DPP6: variants seen among roughly 807,000 people sequenced by gnomAD.
DPP6 encodes the protein A-type potassium channel modulatory protein DPP6.
A neutral mutation model predicts 122.6 loss-of-function variants in DPP6; 69 were observed. That is an observed-to-expected ratio of 0.56 (90% CI 0.46 to 0.69). The LOEUF is 0.69. Ranked by LOEUF, DPP6 falls within the 30% of genes least tolerant of loss-of-function variation. The pLI is 0.00. For missense variants in DPP6, 928 were observed against 1,116.9 expected (o/e 0.83, Z 2.41); for synonymous variants, 418 against 433.1 (o/e 0.97, Z 0.43).
At chr7:154,689,585 T>G (rs976607850) in intron 7 of DPP6, among the ~76,000 whole-genome samples, 1 of 152,214 alleles carries the variant, frequency 6.6e-6, no homozygotes, top group Non-Finnish European at 1.5e-5. Context: ...TTTAGGATTT[T>G]TGCGTCTGTG....
intron 1 of DPP6, among the ~76,000 whole-genome samples, chr7:154,065,765 A>G (rs755604668): frequency 2.0e-5 from 3 of 152,168 alleles, no homozygotes; most frequent in Non-Finnish European, 2.9e-5. Flanking sequence ...AGTGGCATAG[A>G]GGCCCTGAGT....
intron 16 of DPP6, among the ~76,000 whole-genome samples, chr7:154,834,231 G>A (rs1273196900): frequency 6.6e-6 from 1 of 151,664 alleles, no homozygotes; most frequent in African/African-American, 2.4e-5. Flanking sequence ...ACTTTGGGAG[G>A]CCGAGGCAGG....
At chr7:154,841,182 G>A (rs1205613632) in intron 16 of DPP6, among the ~76,000 whole-genome samples, 3 of 152,174 alleles carry the variant, frequency 2.0e-5, no homozygotes, top group Non-Finnish European at 2.9e-5. Context: ...AGTATGCTGA[G>A]AAGGCCGGGA....
intron 1 of DPP6, among the ~76,000 whole-genome samples, chr7:154,097,883 C>T (rs1352423158): frequency 6.6e-6 from 1 of 152,196 alleles, no homozygotes; most frequent in Non-Finnish European, 1.5e-5. Context: ...GAACAAGTGA[C>T]TGAGGGAGTG....
In DPP6 at chr7:154,200,236, A is replaced by C. The variant is rs540781784; in HGVS notation, c.243+147173A>C. Among the ~76,000 whole-genome samples the C allele has an allele frequency of 2.6e-5, 4 of 152,162 alleles. No homozygotes were observed. In the South Asian group the frequency reaches 8.3e-4, roughly 32 times the overall value. ...TTATTGATGCATAATCAATGCATAT[A>C]GTTTTGGGGTACATGTGATAATTAA... On this transcript the variant is annotated intron_variant, in intron 1 of 25. Transcript: ENST00000377770.
chr7:154,529,192 G>A (rs905981889), intron 3 of DPP6, among the ~76,000 whole-genome samples: 2 of 152,156 alleles, frequency 1.3e-5, no homozygotes, highest in African/African-American at 4.8e-5. Flanking sequence ...GATTTGAGAA[G>A]GCTTCAAGAG....
upstream of DPP6, among the ~76,000 whole-genome samples, chr7:153,886,816 C>T (rs1371192247): frequency 6.6e-6 from 1 of 152,280 alleles, no homozygotes. Flanking sequence ...GACTTGCGGG[C>T]GACGGGCACA....
In DPP6 at chr7:154,373,225, A is replaced by G. The variant is rs149460490; in HGVS notation, c.244-72989A>G. 2.5e-3 allele frequency among the ~76,000 whole-genome samples: 374 copies of G among 152,348 alleles called. 1 individual carries two copies. The highest frequency in any genetic ancestry group is 7.4e-3 in the African/African-American group (308 of 41,576). On this transcript the variant is annotated intron_variant, in intron 1 of 25. Coordinates refer to ENST00000377770, the MANE Select transcript of DPP6 (RefSeq NM_130797.4). ...TAGAATGTGAAGAGCCAGAACTAGA[A>G]GGTTCACAGTCTGTGTAGTCTCTTC...
chr7:153,973,235 T>C (rs1233115575), intron 1 of DPP6, among the ~76,000 whole-genome samples: 1 of 152,224 alleles, frequency 6.6e-6, no homozygotes, highest in African/African-American at 2.4e-5. Context: ...TAAGGCTCAC[T>C]CTCCTTGGCT....
At chr7:154,380,174 G>A (rs749507995) in intron 1 of DPP6, among the ~76,000 whole-genome samples, 6 of 152,302 alleles carry the variant, frequency 3.9e-5, no homozygotes, top group South Asian at 2.1e-4. Context: ...AAAAATTGGG[G>A]AATTTGAATT....
intron 22 of DPP6, among the ~76,000 whole-genome samples, chr7:154,886,032 C>T (rs560575841): frequency 2.2e-4 from 34 of 152,312 alleles, no homozygotes; most frequent in Non-Finnish European, 4.0e-4. Context: ...GCAGTGGGGG[C>T]GAGGAAGCCA....
At chr7:154,664,269 T>C (rs1837997577) in intron 6 of DPP6, among the ~76,000 whole-genome samples, 1 of 152,240 alleles carries the variant, frequency 6.6e-6, no homozygotes, top group Non-Finnish European at 1.5e-5. Flanking sequence ...CATGGCGTAT[T>C]GGCCCTAGTG....
intron 1 of DPP6, among the ~76,000 whole-genome samples, chr7:154,205,664 A>G (rs955306132): frequency 2.6e-5 from 4 of 152,130 alleles, no homozygotes; most frequent in African/African-American, 9.7e-5. Flanking sequence ...GCCTGAGCTC[A>G]CAGCAGAGAT....
chr7:154,800,497 C>G (rs1444429339), intron 12 of DPP6, among the ~76,000 whole-genome samples: 1 of 152,224 alleles, frequency 6.6e-6, no homozygotes, highest in East Asian at 1.9e-4. Context: ...TAGCAAAATC[C>G]TTTTTCGCCC....
the DPP6 span, among the ~76,000 whole-genome samples, chr7:153,845,160 AC>A: frequency 1.3e-5 from 2 of 152,176 alleles, no homozygotes; most frequent in Non-Finnish European, 2.9e-5. Flanking sequence ...ATTAAAATGT[AC>A]TATATTGGAA....
At chr7:153,798,302 A>G in the DPP6 span, among the ~76,000 whole-genome samples, 2 of 152,218 alleles carry the variant, frequency 1.3e-5, no homozygotes, top group Non-Finnish European at 2.9e-5. Context: ...GCAGAAATTC[A>G]GCCCATAGCA....
intron 1 of DPP6, among the ~76,000 whole-genome samples, chr7:154,433,528 A>C (rs915133253): frequency 8.6e-5 from 13 of 151,554 alleles, no homozygotes; most frequent in Non-Finnish European, 1.8e-4. Context: ...ACGTTCTCCC[A>C]CCCTGTCCCC....
chr7:153,873,171 T>TA, the DPP6 span, among the ~76,000 whole-genome samples: 14 of 152,310 alleles, frequency 9.2e-5, 1 homozygote, highest in African/African-American at 3.4e-4. Flanking sequence ...AGGCTCTTTT[T>TA]AACAACCGGC....
chr7:153,868,136 G>T, the DPP6 span, among the ~76,000 whole-genome samples: 1 of 152,004 alleles, frequency 6.6e-6, no homozygotes, highest in African/African-American at 2.4e-5. Context: ...TCTCTGCCCG[G>T]CTTTGGTATC....
Sources: allele counts gnomAD v4.1 joint callset (sites outside exome capture counted in the v4.1 genomes callset), GRCh38; gene constraint gnomAD v4.1.1; transcripts MANE v1.5; gene names NCBI Gene and HGNC (gene_info 2026-07-23, HGNC 2026-07-21).